WDPCP: variants seen among roughly 807,000 people sequenced by gnomAD.
The protein encoded by WDPCP is WD repeat-containing and planar cell polarity effector protein fritz homolog.
WDPCP carries 71 observed loss-of-function variants against 93.1 expected under a neutral mutation model. The ratio of observed to expected loss-of-function variants is 0.76; its 90% CI spans 0.63 to 0.93. The LOEUF is 0.93. Among genes scored for constraint, WDPCP ranks in the 40% least tolerant of loss-of-function variants. The probability of loss-of-function intolerance (pLI) is 0.00; values close to 1 mark genes in which losing one functional copy is unlikely to be tolerated. For synonymous variants in WDPCP, 315 were observed against 315.0 expected, an observed-to-expected ratio of 1.00 and a Z score of 0.00; for missense variants, 844 against 887.4, an observed-to-expected ratio of 0.95 and a Z score of 0.62.
chr2:63,425,628 T>C (rs1449490571), intron 9 of WDPCP, among the ~76,000 whole-genome samples: 2 of 152,168 alleles, frequency 1.3e-5, no homozygotes, highest in African/African-American at 4.8e-5. Context: ...GAAAAGAATC[T>C]CAGAACTCAA....
intron 3 of WDPCP, among the ~76,000 whole-genome samples, chr2:63,649,504 A>G (rs1013563890): frequency 6.6e-6 from 1 of 151,662 alleles, no homozygotes; most frequent in Non-Finnish European, 1.5e-5. Flanking sequence ...GTGATGCTAT[A>G]AACACATTTG....
chr2:63,384,606 C>T (rs1692579074), intron 10 of WDPCP, among the ~76,000 whole-genome samples: 1 of 151,838 alleles, frequency 6.6e-6, no homozygotes, highest in Non-Finnish European at 1.5e-5. Flanking sequence ...AATAATAAAG[C>T]CAGGAACAGT....
At chr2:63,527,077 T>C (rs748380208) in intron 1 of WDPCP, among the ~76,000 whole-genome samples, 24 of 152,166 alleles carry the variant, frequency 1.6e-4, no homozygotes, top group Non-Finnish European at 1.3e-4. Flanking sequence ...AAAAATTATG[T>C]TTTGAGGTGC....
At chr2:63,180,892 C>T (rs1302199127) in intron 14 of WDPCP, among the ~76,000 whole-genome samples, 3 of 151,974 alleles carry the variant, frequency 2.0e-5, no homozygotes, top group African/African-American at 7.2e-5. Context: ...TGAAATATGT[C>T]ATTGTGGTTT....
At position 63,736,549 on chromosome 2, in the gene WDPCP, A is replaced by C. The variant is rs558011872; in HGVS notation, n.308+77073T>G. On this transcript the variant is annotated intron_variant and non_coding_transcript_variant, in intron 2 of 4. Transcript: ENST00000467687. The stretch of plus-strand genomic sequence containing the variant: ...CCAAATATGTTTTTAATAGAATTCA[A>C]TTTAGGATTTCAGGAAGTAACTGAA... Among the ~76,000 whole-genome samples, 10 of 152,304 alleles carry C rather than the reference A, an allele frequency of 6.6e-5. No homozygotes were observed. In the Middle Eastern group the frequency reaches 0.027, roughly 414 times the overall value.
intron 17 of WDPCP, among the ~76,000 whole-genome samples, chr2:63,149,645 T>C (rs1023978565): frequency 1.3e-5 from 2 of 152,170 alleles, no homozygotes; most frequent in South Asian, 4.1e-4. Context: ...TGAAATACTA[T>C]AGGCAGTGAA....
At chr2:63,708,512 A>G (rs1669204376) in intron 2 of WDPCP, among the ~76,000 whole-genome samples, 1 of 152,202 alleles carries the variant, frequency 6.6e-6, no homozygotes, top group Non-Finnish European at 1.5e-5. Context: ...CCGATTTTCC[A>G]GGTGCCGTCT....
intron 2 of WDPCP, among the ~76,000 whole-genome samples, chr2:63,806,800 C>A (rs192688361): frequency 6.6e-6 from 1 of 152,176 alleles, no homozygotes; most frequent in Admixed American, 6.5e-5. Context: ...CTGTTCCGCC[C>A]GGCTCACTGG....
chr2:63,442,920 C>T (rs1173422867), intron 6 of WDPCP: 2 of 152,018 alleles, frequency 1.3e-5, no homozygotes, highest in Non-Finnish European at 2.9e-5. Flanking sequence ...AATGAGGGAA[C>T]TTATGCCGGA....
At chr2:63,828,770 A>G (rs1671151510), upstream of WDPCP, among the ~76,000 whole-genome samples, 1 of 151,940 alleles carries the variant, frequency 6.6e-6, no homozygotes, top group Non-Finnish European at 1.5e-5. Flanking sequence ...TTCCTATTCA[A>G]TCCATTGCCT....
At chr2:63,722,698 G>C (rs1185557324) in intron 2 of WDPCP, among the ~76,000 whole-genome samples, 1 of 147,184 alleles carries the variant, frequency 6.8e-6, no homozygotes, top group East Asian at 2.0e-4. Context: ...CGCCCCGTCC[G>C]GGAGGTGAGG....
chr2:63,681,640 G>A (rs925533852), intron 2 of WDPCP, among the ~76,000 whole-genome samples: 1 of 152,168 alleles, frequency 6.6e-6, no homozygotes, highest in African/African-American at 2.4e-5. Context: ...CACAGGCCTG[G>A]CTGGTTTTGC....
intron 12 of WDPCP, among the ~76,000 whole-genome samples, chr2:63,342,030 G>C (rs968364815): frequency 3.9e-5 from 6 of 152,100 alleles, no homozygotes; most frequent in African/African-American, 1.4e-4. Flanking sequence ...GGGTGGGGAG[G>C]GGGTGATAGT....
chr2:63,280,153 A>G (rs1683416750), intron 13 of WDPCP, among the ~76,000 whole-genome samples: 1 of 152,206 alleles, frequency 6.6e-6, no homozygotes, highest in Admixed American at 6.5e-5. Flanking sequence ...AGAGCGCTGT[A>G]TTAGTTCATT....
chr2:63,821,936 G>C (rs776076809), intron 1 of WDPCP, among the ~76,000 whole-genome samples: 5 of 152,062 alleles, frequency 3.3e-5, no homozygotes, highest in African/African-American at 7.2e-5. Flanking sequence ...ATTAACATAA[G>C]ACTAAAATAT....
At chr2:63,816,579 A>G (rs958207510) in intron 1 of WDPCP, among the ~76,000 whole-genome samples, 8 of 152,208 alleles carry the variant, frequency 5.3e-5, no homozygotes, top group African/African-American at 1.9e-4. Flanking sequence ...AGCTGGAAGA[A>G]GAAAGGAAGG....
chr2:63,161,307 G>A (rs191564897), intron 15 of WDPCP, among the ~76,000 whole-genome samples: 18 of 152,218 alleles, frequency 1.2e-4, no homozygotes, highest in African/African-American at 3.6e-4. Flanking sequence ...TATAAATGGC[G>A]CCATATTCCT....
At chr2:63,573,746 T>C (rs1383738012) in intron 1 of WDPCP, among the ~76,000 whole-genome samples, 2 of 152,178 alleles carry the variant, frequency 1.3e-5, no homozygotes, top group East Asian at 1.9e-4. Context: ...GTGAGCCAGA[T>C]GGAACAGAGC....
At chr2:63,213,123 C>T (rs1485441694) in intron 14 of WDPCP, among the ~76,000 whole-genome samples, 1 of 152,154 alleles carries the variant, frequency 6.6e-6, no homozygotes, top group Non-Finnish European at 1.5e-5. Context: ...CCAAGTGGAC[C>T]TAATAGACAG....
Sources: allele counts gnomAD v4.1 joint callset (sites outside exome capture counted in the v4.1 genomes callset), GRCh38; gene constraint gnomAD v4.1.1; transcripts MANE v1.5; gene names NCBI Gene and HGNC (gene_info 2026-07-23, HGNC 2026-07-21).